MUSK: variants seen among roughly 807,000 people sequenced by gnomAD.
MUSK encodes muscle, skeletal receptor tyrosine-protein kinase.
A neutral mutation model predicts 88.7 loss-of-function variants in MUSK; 55 were observed. The ratio of observed to expected loss-of-function variants is 0.62; its 90% CI spans 0.50 to 0.78. MUSK has a LOEUF of 0.78. MUSK is among the 30% of genes least tolerant of loss of function. MUSK has a pLI of 0.00. For synonymous variants in MUSK, 387 were observed against 391.9 expected, an observed-to-expected ratio of 0.99 and a Z score of 0.15; for missense variants, 1,015 against 1,074.3, an observed-to-expected ratio of 0.94 and a Z score of 0.77.
chr9:110,752,824 T>C (rs375545537), intron 7 of MUSK, among the ~76,000 whole-genome samples: 1 of 152,252 alleles, frequency 6.6e-6, no homozygotes, highest in Non-Finnish European at 1.5e-5. Flanking sequence ...CAAATCCTTA[T>C]GCATTGTTTT....
chr9:110,686,812 T>A lies in MUSK; in HGVS notation c.207-305T>A, dbSNP rs549066650. On this transcript the variant is annotated intron_variant, in intron 2 of 14. Transcript: ENST00000374448. Reference sequence around the variant, plus strand: ...AGAACTTATTGGGAGAAGACACCTATGTCTTGGTTTTATATGCTTTTCTGA... The same window carrying A: ...AGAACTTATTGGGAGAAGACACCTAAGTCTTGGTTTTATATGCTTTTCTGA... 6.4e-4 allele frequency among the ~76,000 whole-genome samples: 98 copies of A among 152,320 alleles called. 3 individuals carry two copies. In the South Asian group the frequency reaches 0.019, roughly 30 times the overall value.
At position 110,775,976 on chromosome 9, in the gene MUSK, T is replaced by C. The variant is rs1252820989; in HGVS notation, c.1360+13T>C. On this transcript the variant is annotated intron_variant, in intron 10 of 14. Coordinates refer to ENST00000374448, the MANE Select transcript of MUSK (RefSeq NM_005592.4). Reference sequence around the variant, plus strand: ...CTGCCACATCTAGGTAACACAGAGTTCTCCCAAGACTTTGGAGGTTAAGAG... The same window carrying C: ...CTGCCACATCTAGGTAACACAGAGTCCTCCCAAGACTTTGGAGGTTAAGAG... 11 of 1,598,582 alleles carry C rather than the reference T, an allele frequency of 6.9e-6. No individual in the cohort carries two copies. The highest frequency in any genetic ancestry group is 9.4e-6 in the Non-Finnish European group (11 of 1,171,404).
intron 5 of MUSK, among the ~76,000 whole-genome samples, chr9:110,718,954 T>G (rs2076778079): frequency 6.6e-6 from 1 of 152,032 alleles, no homozygotes; most frequent in South Asian, 2.1e-4. Flanking sequence ...AAAGCAATTA[T>G]CAGCCAAGAA....
Position 110,785,519 on chromosome 9 carries a change from G to A in MUSK, c.1587-8G>A. The A allele has an allele frequency of 6.3e-7, 1 of 1,590,934 alleles. No individual in the cohort carries two copies. ...GCTCATTCCTGATCTTGCCTGTCTT[G>A]CCTGCAGAGAATCAGCAGCAGTAAC... On this transcript the variant is annotated splice_polypyrimidine_tract_variant and splice_region_variant and intron_variant, in intron 12 of 14. Coordinates refer to ENST00000374448, the MANE Select transcript of MUSK (RefSeq NM_005592.4).
At chr9:110,720,660 C>A (rs2076799544) in intron 5 of MUSK, among the ~76,000 whole-genome samples, 1 of 151,994 alleles carries the variant, frequency 6.6e-6, no homozygotes, top group Admixed American at 6.6e-5. Context: ...TTGTATCAGA[C>A]ATTCAAAGAA....
intron 3 of MUSK, among the ~76,000 whole-genome samples, chr9:110,695,075 T>G (rs1479033784): frequency 6.6e-6 from 1 of 152,164 alleles, no homozygotes; most frequent in Non-Finnish European, 1.5e-5. Context: ...AATGTTGAAT[T>G]GCTATGGTGA....
intron 5 of MUSK, among the ~76,000 whole-genome samples, chr9:110,725,972 G>A (rs1490994707): frequency 3.9e-5 from 6 of 151,996 alleles, no homozygotes; most frequent in Admixed American, 2.0e-4. Context: ...GTTTGAGCTC[G>A]AAATGACCAA....
chr9:110,700,879 C>T (rs898435857), intron 5 of MUSK, among the ~76,000 whole-genome samples: 1 of 152,236 alleles, frequency 6.6e-6, no homozygotes, highest in Non-Finnish European at 1.5e-5. Context: ...CTCTCTTTTA[C>T]TTTCAGAAGT....
At chr9:110,712,457 G>A (rs572762962) in intron 5 of MUSK, among the ~76,000 whole-genome samples, 3 of 152,100 alleles carry the variant, frequency 2.0e-5, no homozygotes, top group Non-Finnish European at 4.4e-5. Flanking sequence ...CTAAGTTGAC[G>A]GATTCATGGA....
At chr9:110,695,126 T>C (rs1253811048) in intron 3 of MUSK, among the ~76,000 whole-genome samples, 2 of 152,182 alleles carry the variant, frequency 1.3e-5, no homozygotes, top group East Asian at 3.8e-4. Context: ...TCTTTTAAAA[T>C]GAAGAATGCT....
intron 7 of MUSK, among the ~76,000 whole-genome samples, chr9:110,757,836 A>G (rs1226766460): frequency 6.6e-6 from 1 of 152,206 alleles, no homozygotes. Context: ...CATTAACCAA[A>G]TTAGCATACT....
intron 5 of MUSK, among the ~76,000 whole-genome samples, chr9:110,731,212 C>T (rs2076958947): frequency 6.6e-6 from 1 of 152,122 alleles, no homozygotes; most frequent in African/African-American, 2.4e-5. Context: ...TATCAGTCAG[C>T]TCATGTTAAA....
intron 3 of MUSK, among the ~76,000 whole-genome samples, chr9:110,689,193 T>TTTATATTAAATATATA (rs1564216520): frequency 4.3e-5 from 1 of 22,992 alleles, no homozygotes; most frequent in Non-Finnish European, 7.6e-5. Context: ...AAATATATCA[T>TTTATATTAAATATATA]ATATATATTC....
chr9:110,785,899 T>TATAC (rs1486565964), intron 13 of MUSK, among the ~76,000 whole-genome samples, 181 bp downstream of exon 13: 6 of 146,870 alleles, frequency 4.1e-5, no homozygotes, highest in African/African-American at 1.5e-4. Flanking sequence ...TATATATATA[T>TATAC]ACACACACAC....
chr9:110,673,842 C>A (rs987800144), intron 1 of MUSK, among the ~76,000 whole-genome samples: 25 of 152,162 alleles, frequency 1.6e-4, no homozygotes, highest in Non-Finnish European at 3.2e-4. Context: ...AAGTTTAAGA[C>A]AGAAGAAGTC....
intron 6 of MUSK, among the ~76,000 whole-genome samples, chr9:110,743,972 T>A (rs951380874): frequency 3.9e-5 from 6 of 152,070 alleles, no homozygotes; most frequent in South Asian, 2.1e-4. Context: ...TTTTTTTTTT[T>A]TTATTTTTTT....
intron 11 of MUSK, among the ~76,000 whole-genome samples, chr9:110,777,633 A>G (rs984387494): frequency 4.6e-5 from 7 of 152,116 alleles, no homozygotes; most frequent in African/African-American, 1.7e-4. Context: ...CTTTGAATTG[A>G]TTACTGTGCT....
intron 3 of MUSK, among the ~76,000 whole-genome samples, chr9:110,689,212 T>C (rs1209970249): frequency 1.1e-5 from 1 of 93,628 alleles, no homozygotes; most frequent in East Asian, 2.8e-4. Context: ...TCATATTTTA[T>C]ATAATATATA....
intron 5 of MUSK, among the ~76,000 whole-genome samples, chr9:110,710,293 T>C (rs1177182982): frequency 6.6e-6 from 1 of 152,240 alleles, no homozygotes; most frequent in Non-Finnish European, 1.5e-5. Flanking sequence ...ACTTGACCTC[T>C]GCAAGTCTAT....
Sources: gnomAD v4.1 joint callset for allele counts (sites outside exome capture counted in the v4.1 genomes callset) on GRCh38, gnomAD v4.1.1 for gene constraint, MANE v1.5 for transcripts, NCBI Gene and HGNC (gene_info 2026-07-23, HGNC 2026-07-21) for gene names.